CNOT6L: variants seen among roughly 807,000 people sequenced by gnomAD.
CNOT6L encodes the protein CCR4-NOT transcription complex subunit 6-like.
In CNOT6L, 7 loss-of-function variants were observed where a neutral mutation model predicts 64.0. The observed-to-expected ratio is 0.11, with a 90% CI of 0.06 to 0.21. CNOT6L has a LOEUF of 0.21. Ranked by LOEUF, CNOT6L falls within the 10% of genes least tolerant of loss-of-function variation. The pLI, the probability that CNOT6L is intolerant of heterozygous loss-of-function variation, is 1.00. For missense variants in CNOT6L, 245 were observed against 669.0 expected (o/e 0.37, Z 6.99); for synonymous variants, 193 against 243.4 (o/e 0.79, Z 1.93).
chr4:77,762,769 A>G (rs1349199173), intron 4 of CNOT6L, among the ~76,000 whole-genome samples: 1 of 152,140 alleles, frequency 6.6e-6, no homozygotes, highest in African/African-American at 2.4e-5. Context: ...ACATTCTGGA[A>G]AAGTAGTTGT....
At chr4:77,790,847 A>G (rs1263906375) in intron 1 of CNOT6L, among the ~76,000 whole-genome samples, 2 of 147,358 alleles carry the variant, frequency 1.4e-5, no homozygotes, top group African/African-American at 2.5e-5. Context: ...TTTAGTAAAG[A>G]TGAGGTTTCA....
chr4:77,781,043 A>C (rs1728802247), intron 1 of CNOT6L, among the ~76,000 whole-genome samples: 1 of 152,216 alleles, frequency 6.6e-6, no homozygotes, highest in Admixed American at 6.5e-5. Flanking sequence ...ACATGGATGA[A>C]GCTGGAAGCC....
intron 1 of CNOT6L, among the ~76,000 whole-genome samples, 169 bp from the exon 2 acceptor site, chr4:77,776,561 T>C (rs566751475): frequency 1.1e-4 from 16 of 152,350 alleles, no homozygotes; most frequent in African/African-American, 3.8e-4. Context: ...ATCTGCAGTA[T>C]GCTAGGATCT....
At chr4:77,777,578 T>C (rs1160343417) in intron 1 of CNOT6L, among the ~76,000 whole-genome samples, 2 of 152,180 alleles carry the variant, frequency 1.3e-5, no homozygotes, top group African/African-American at 4.8e-5. Flanking sequence ...CTAACAAGAA[T>C]AGCAAATGAC....
At chr4:77,747,827 A>G (rs1165305033) in intron 6 of CNOT6L, among the ~76,000 whole-genome samples, 2 of 152,218 alleles carry the variant, frequency 1.3e-5, no homozygotes, top group African/African-American at 4.8e-5. Context: ...CTTTGTTGCC[A>G]GTATAGTAAA....
chr4:77,803,382 T>C (rs1037308873), intron 1 of CNOT6L, among the ~76,000 whole-genome samples: 1 of 152,188 alleles, frequency 6.6e-6, no homozygotes, highest in Non-Finnish European at 1.5e-5. Flanking sequence ...AAAACATTTC[T>C]AAAGGGCAAT....
At chr4:77,761,532 A>C (rs1560407113) in intron 4 of CNOT6L, among the ~76,000 whole-genome samples, 1 of 152,254 alleles carries the variant, frequency 6.6e-6, no homozygotes, top group Non-Finnish European at 1.5e-5. Context: ...TCCTGAAAAT[A>C]AAAGTAATAG....
At position 77,809,336 on chromosome 4, in the gene CNOT6L, T is replaced by G. The variant is rs186952307; in HGVS notation, c.5+9968A>C. On this transcript the variant is annotated intron_variant, in intron 1 of 11. Transcript: ENST00000504123. ...GTAGTCAAAAAAATATTAGCTCCATTCCCTGGTAGAAAGATTATTCTACAT... is the reference window on the plus strand; with the variant it reads ...GTAGTCAAAAAAATATTAGCTCCATGCCCTGGTAGAAAGATTATTCTACAT... 3.3e-5 allele frequency among the ~76,000 whole-genome samples: 5 copies of G among 152,210 alleles called. No homozygotes were observed. In the East Asian group the frequency reaches 9.6e-4, roughly 29 times the overall value.
At chr4:77,779,686 C>A (rs535605099) in intron 1 of CNOT6L, among the ~76,000 whole-genome samples, 3 of 152,158 alleles carry the variant, frequency 2.0e-5, no homozygotes, top group Non-Finnish European at 4.4e-5. Flanking sequence ...AAAGGCTGGG[C>A]GCAGTGGCTC....
At chr4:77,732,638 C>T (rs186960946) in intron 8 of CNOT6L, among the ~76,000 whole-genome samples, 31 of 152,160 alleles carry the variant, frequency 2.0e-4, no homozygotes, top group African/African-American at 7.5e-4. Flanking sequence ...CTATTTCTAA[C>T]CCAGAGTGCT....
intron 1 of CNOT6L, among the ~76,000 whole-genome samples, chr4:77,778,694 T>G (rs1728440078): frequency 6.6e-6 from 1 of 150,998 alleles, no homozygotes. Context: ...CATCCCAAAG[T>G]GCTGGGATTA....
intron 6 of CNOT6L, 58 bp downstream of exon 6, chr4:77,748,258 C>T: frequency 8.7e-7 from 1 of 1,144,948 alleles, no homozygotes; most frequent in Non-Finnish European, 1.3e-6. Flanking sequence ...GATCATGAAG[C>T]CCAAATAACA....
chr4:77,752,014 T>C (rs2083830156), intron 5 of CNOT6L, among the ~76,000 whole-genome samples: 1 of 151,868 alleles, frequency 6.6e-6, no homozygotes, highest in African/African-American at 2.4e-5. Context: ...TCTACAAAAA[T>C]ATTAAAAAAT....
At chr4:77,762,455 C>T (rs1726347645) in intron 4 of CNOT6L, among the ~76,000 whole-genome samples, 1 of 151,966 alleles carries the variant, frequency 6.6e-6, no homozygotes, top group Non-Finnish European at 1.5e-5. Context: ...AAGGAAAATC[C>T]CATGTAGAAA....
chr4:77,809,341 G>A (rs373930420), intron 1 of CNOT6L, among the ~76,000 whole-genome samples: 50 of 152,130 alleles, frequency 3.3e-4, no homozygotes, highest in Middle Eastern at 3.4e-3. Flanking sequence ...TCCATTCCCT[G>A]GTAGAAAGAT....
At chr4:77,781,440 G>A (rs999485815) in intron 1 of CNOT6L, among the ~76,000 whole-genome samples, 3 of 152,014 alleles carry the variant, frequency 2.0e-5, no homozygotes, top group African/African-American at 4.8e-5. Flanking sequence ...TATATGTAAC[G>A]CTAGGTCTGC....
At position 77,754,900 on chromosome 4, in the gene CNOT6L, A is replaced by AAAAAAAAAAAAAAC. The variant is rs1725325529; in HGVS notation, c.490+1948_490+1961dup. Among the ~76,000 whole-genome samples the AAAAAAAAAAAAAAC allele has an allele frequency of 1.4e-5, 2 of 145,832 alleles. 1 individual carries two copies. The highest frequency in any genetic ancestry group is 3.0e-5 in the Non-Finnish European group (2 of 66,138). On this transcript the variant is annotated intron_variant, in intron 5 of 11. Coordinates refer to ENST00000504123, the MANE Select transcript of CNOT6L (RefSeq NM_144571.3). ...TAAACATTAGAAGTAAAAAAAAAAAAAAAAAAAAAAAAACCGGTTTCTAGA... is the reference window on the plus strand; with the variant it reads ...TAAACATTAGAAGTAAAAAAAAAAAAAAAAAAAAAAAAACAAAAAAAAAAAAACCGGTTTCTAGA...
intron 1 of CNOT6L, among the ~76,000 whole-genome samples, chr4:77,814,318 T>C (rs1733318946): frequency 6.6e-6 from 1 of 152,182 alleles, no homozygotes; most frequent in Non-Finnish European, 1.5e-5. Context: ...CAATTGTTAA[T>C]ATACTAAAAA....
rs757607716 is a variant in CNOT6L, at chr4:77,776,354, T to C, written c.44A>G (p.Asp15Gly). The change falls in exon 2 of 12, where the codon GAT becomes GGT. Residue 15 changes from aspartate (D) to glycine (G), a missense_variant. Physicochemically the swap from Asp to Gly is moderately conservative, Grantham distance 94. Around this residue, in one of 10 missense-constraint regions of CNOT6L, gnomAD observed 78 missense variants for 137.6 expected, o/e 0.57. Transcript: ENST00000504123. ...GMPKEKYDPPDPRRIYTIMSA... is the reference protein window; with the variant it reads ...GMPKEKYDPPGPRRIYTIMSA... ...CATGATGGTATAAATTCTGCGAGGA[T>C]CTGGAGGATCATATTTTTCCTTTGG... 1.9e-6 allele frequency: 3 copies of C among 1,610,688 alleles called. No homozygotes were observed. The highest frequency in any genetic ancestry group is 2.5e-6 in the Non-Finnish European group (3 of 1,178,100).
Sources: gnomAD v4.1 joint callset for allele counts (sites outside exome capture counted in the v4.1 genomes callset) on GRCh38, gnomAD v4.1.1 for gene constraint, gnomAD v4.1.1 regional missense constraint, MANE v1.5 for transcripts, NCBI Gene and HGNC (gene_info 2026-07-23, HGNC 2026-07-21) for gene names.